The following DLC1 variants were observed in gnomAD, a reference collection of about 807,000 sequenced individuals.
DLC1 encodes the protein rho GTPase-activating protein 7.
A neutral mutation model predicts 140.3 loss-of-function variants in DLC1; 54 were observed. The ratio of observed to expected loss-of-function variants is 0.38; its 90% confidence interval spans 0.31 to 0.48. The LOEUF (loss-of-function observed/expected upper bound fraction) is 0.48. DLC1 is among the 20% of genes least tolerant of loss of function. The pLI is 0.96. For missense variants in DLC1, 2,536 were observed against 1,907.0 expected (o/e 1.33, Z -6.14); for synonymous variants, 986 against 728.1 (o/e 1.35, Z -5.70).
At chr8:13,199,732 G>C (rs932068996) in intron 5 of DLC1, among the ~76,000 whole-genome samples, 1 of 152,170 alleles carries the variant, frequency 6.6e-6, no homozygotes, top group Non-Finnish European at 1.5e-5. Flanking sequence ...ATAACATAGA[G>C]GTGAGGGAAA....
At chr8:13,384,345 T>A (rs183880763) in intron 4 of DLC1, among the ~76,000 whole-genome samples, 7 of 129,856 alleles carry the variant, frequency 5.4e-5, no homozygotes, top group Admixed American at 2.9e-4. Flanking sequence ...GACACCTACC[T>A]TGAGCAAGAC....
At chr8:13,177,148 T>C (rs868087661) in intron 5 of DLC1, among the ~76,000 whole-genome samples, 2 of 152,316 alleles carry the variant, frequency 1.3e-5, no homozygotes, top group Middle Eastern at 6.8e-3. Flanking sequence ...CAGAACCAAA[T>C]ATTATGGGAC....
At position 13,095,181 on chromosome 8, in the gene DLC1, C is replaced by A; in HGVS notation, c.3232G>T (p.Val1078Phe). The A allele has an allele frequency of 1.2e-6, 2 of 1,614,228 alleles. No individual in the cohort carries two copies. The highest frequency in any genetic ancestry group is 1.7e-6 in the Non-Finnish European group (2 of 1,180,048). ...PDYKDRSVFG[V>F]PLTVNVQRTG... ...CGCTGCACGTTGACCGTCAGTGGGA[C>A]CCCAAACACACTCCGGTCCTTGTAG... Residue 1078 changes from valine (V) to phenylalanine (F), a missense_variant, in exon 11 of 18, where the codon GTC (valine) becomes TTC (phenylalanine). Val to Phe is a conservative substitution (Grantham distance 50, BLOSUM62 -1). Transcript: ENST00000276297.
intron 5 of DLC1, among the ~76,000 whole-genome samples, chr8:13,247,049 A>G (rs2117267126): frequency 6.6e-6 from 1 of 152,290 alleles, no homozygotes; most frequent in South Asian, 2.1e-4. Context: ...TGTGCTCTCA[A>G]CCACATTGTA....
At chr8:13,130,570 A>G (rs2128962482) in intron 5 of DLC1, among the ~76,000 whole-genome samples, 1 of 152,362 alleles carries the variant, frequency 6.6e-6, no homozygotes, top group East Asian at 1.9e-4. Flanking sequence ...CCAGAGCCCT[A>G]AGAAAATCCT....
Position 13,506,598 on chromosome 8 carries a change from T to TACACGTATATATATATATATAC in DLC1, c.-125-6403_-125-6402insGTATATATATATATATACGTGT, listed in dbSNP as rs1563407680. 2.7e-4 allele frequency among the ~76,000 whole-genome samples: 38 copies of TACACGTATATATATATATATAC among 141,460 alleles called. No individual in the cohort carries two copies. The East Asian group carries it at 7.1e-3, about 27-fold the overall frequency. 92.8% of individuals were successfully genotyped at this position (141,460 alleles called of 152,430 possible). On this transcript the variant is annotated intron_variant, in intron 1 of 17. Coordinates refer to ENST00000276297, the MANE Select transcript of DLC1 (RefSeq NM_182643.3). ...GTGTGTGTGTATATATATATATATA[T>TACACGTATATATATATATATAC]ATATATATATACACATATATATACA...
At chr8:13,130,774 C>G (rs116086657) in intron 5 of DLC1, among the ~76,000 whole-genome samples, 2 of 152,148 alleles carry the variant, frequency 1.3e-5, no homozygotes, top group African/African-American at 4.8e-5. Flanking sequence ...ACTATTTATC[C>G]CCAGTCCCCT....
upstream of DLC1, among the ~76,000 whole-genome samples, chr8:13,518,301 G>A (rs1208382326): frequency 5.3e-5 from 8 of 152,124 alleles, no homozygotes; most frequent in Non-Finnish European, 1.0e-4. Context: ...TAGAGACAGG[G>A]TTTCATCGTG....
At chr8:13,359,120 T>C (rs1835092518) in intron 4 of DLC1, among the ~76,000 whole-genome samples, 1 of 152,182 alleles carries the variant, frequency 6.6e-6, no homozygotes, top group South Asian at 2.1e-4. Context: ...TTCGTATTTT[T>C]AGTAGAGATG....
chr8:13,121,156 T>G (rs1190734883), intron 5 of DLC1, among the ~76,000 whole-genome samples: 3 of 152,194 alleles, frequency 2.0e-5, no homozygotes, highest in African/African-American at 7.2e-5. Context: ...GCAGATTCCC[T>G]GGATTCCCTA....
chr8:13,136,650 T>G (rs1822580962), intron 5 of DLC1, among the ~76,000 whole-genome samples: 1 of 152,324 alleles, frequency 6.6e-6, no homozygotes, highest in East Asian at 1.9e-4. Flanking sequence ...TCCTCTCACC[T>G]TAGCCTCCCA....
chr8:13,149,351 G>T (rs1480896288), intron 5 of DLC1, among the ~76,000 whole-genome samples: 1 of 152,068 alleles, frequency 6.6e-6, no homozygotes, highest in Non-Finnish European at 1.5e-5. Flanking sequence ...ATTGTATTCT[G>T]GGCATTAATA....
chr8:13,199,966 A>G (rs1189208380), intron 5 of DLC1, among the ~76,000 whole-genome samples: 2 of 152,198 alleles, frequency 1.3e-5, no homozygotes, highest in East Asian at 3.9e-4. Flanking sequence ...AAGTATTTAT[A>G]GTATGCTAGG....
intron 5 of DLC1, among the ~76,000 whole-genome samples, chr8:13,158,800 C>A (rs1053957571): frequency 1.5e-5 from 2 of 135,588 alleles, no homozygotes; most frequent in Non-Finnish European, 3.1e-5. Context: ...TTCTTTGACA[C>A]CTCTGCATCA....
chr8:13,392,828 G>T, intron 4 of DLC1, among the ~76,000 whole-genome samples: 1 of 39,260 alleles, frequency 2.5e-5, no homozygotes, highest in African/African-American at 8.6e-5. Context: ...ATTCCATGTG[G>T]AATAAGTTTT....
intron 4 of DLC1, among the ~76,000 whole-genome samples, chr8:13,322,762 C>T (rs528832007): frequency 6.6e-6 from 1 of 152,252 alleles, no homozygotes; most frequent in Non-Finnish European, 1.5e-5. Flanking sequence ...GATGGCAATT[C>T]TCATAGAGCT....
At chr8:13,585,817 A>C (rs1027912286) in intron 1 of DLC1, among the ~76,000 whole-genome samples, 6 of 152,188 alleles carry the variant, frequency 3.9e-5, no homozygotes, top group Non-Finnish European at 5.9e-5. Flanking sequence ...TCATAGGGAC[A>C]CTGGGTGTAT....
intron 1 of DLC1, among the ~76,000 whole-genome samples, chr8:13,550,073 G>A (rs1803793532): frequency 6.6e-6 from 1 of 152,060 alleles, no homozygotes; most frequent in South Asian, 2.1e-4. Flanking sequence ...CTTACAATAG[G>A]CTAGAGAGAC....
At chr8:13,364,144 C>G (rs1835373102) in intron 4 of DLC1, among the ~76,000 whole-genome samples, 1 of 152,144 alleles carries the variant, frequency 6.6e-6, no homozygotes, top group African/African-American at 2.4e-5. Flanking sequence ...CAGAGAACAA[C>G]TAAGAAGAAG....
Sources: allele counts gnomAD v4.1 joint callset (sites outside exome capture counted in the v4.1 genomes callset), GRCh38; gene constraint gnomAD v4.1.1; transcripts MANE v1.5; gene names NCBI Gene and HGNC (gene_info 2026-07-23, HGNC 2026-07-21).